The following IL1RAPL1 variants were observed in gnomAD, a reference collection of about 807,000 sequenced individuals.
IL1RAPL1 encodes the protein interleukin-1 receptor accessory protein-like 1.
A neutral mutation model predicts 48.4 loss-of-function variants in IL1RAPL1; 3 were observed. That is an observed-to-expected ratio of 0.06 (90% CI 0.03 to 0.16). The LOEUF is 0.16. Ranked by LOEUF, IL1RAPL1 falls within the 10% of genes least tolerant of loss-of-function variation. IL1RAPL1 has a pLI of 1.00. For missense variants in IL1RAPL1, 349 were observed against 530.6 expected (o/e 0.66, Z 3.36); for synonymous variants, 185 against 187.7 (o/e 0.99, Z 0.12).
At chrX:28,831,024 CTCTGTGTGTGTG>C (rs1921036025) in intron 2 of IL1RAPL1, among the ~76,000 whole-genome samples, 1 of 59,230 alleles carries the variant, frequency 1.7e-5, no homozygotes, top group Admixed American at 2.2e-4. Context: ...CTCTCTCTCT[CTCTGTGTGTGTG>C]TGTGTGTGTG....
At chrX:29,168,336 G>C (rs1182428164) in intron 2 of IL1RAPL1, among the ~76,000 whole-genome samples, 1 of 106,504 alleles carries the variant, frequency 9.4e-6, no homozygotes, top group Non-Finnish European at 1.9e-5. Context: ...CCTTTCCCAA[G>C]AACCCCCTCC....
intron 6 of IL1RAPL1, among the ~76,000 whole-genome samples, chrX:29,692,508 C>A (rs962029282): frequency 2.7e-5 from 3 of 111,933 alleles, no homozygotes; most frequent in Admixed American, 9.5e-5. Flanking sequence ...TTCCTGTCTT[C>A]TTACTGAATA....
intron 2 of IL1RAPL1, among the ~76,000 whole-genome samples, chrX:29,135,984 G>A (rs908714685): frequency 1.8e-5 from 2 of 111,921 alleles, no homozygotes; most frequent in African/African-American, 6.5e-5. Flanking sequence ...TGATCTGCCT[G>A]CCTTGGCCTT....
At chrX:29,494,671 A>G (rs915917534) in intron 5 of IL1RAPL1, among the ~76,000 whole-genome samples, 1 of 112,369 alleles carries the variant, frequency 8.9e-6, no homozygotes, top group African/African-American at 3.2e-5. Flanking sequence ...TCAGGAAAGT[A>G]TGAAAGTATA....
At chrX:28,811,397 AAG>A (rs774018865) in intron 2 of IL1RAPL1, among the ~76,000 whole-genome samples, 4 of 110,763 alleles carry the variant, frequency 3.6e-5, no homozygotes, top group Non-Finnish European at 5.7e-5. Flanking sequence ...GGTAAGGAAA[AAG>A]AGAATGTGTG....
intron 2 of IL1RAPL1, among the ~76,000 whole-genome samples, chrX:29,182,808 A>G (rs1486305549): frequency 9.0e-6 from 1 of 111,723 alleles, no homozygotes; most frequent in Non-Finnish European, 1.9e-5. Context: ...ATGATTAAAT[A>G]AAGATCTTGA....
chrX:29,232,311 T>C (rs191876952), intron 2 of IL1RAPL1, among the ~76,000 whole-genome samples: 54 of 111,968 alleles, frequency 4.8e-4, no homozygotes, highest in African/African-American at 1.6e-3. Flanking sequence ...CACATTATAT[T>C]TTTAGGGACA....
chrX:29,484,418 G>A (rs12556316), intron 5 of IL1RAPL1, among the ~76,000 whole-genome samples: 1 of 110,323 alleles, frequency 9.1e-6, no homozygotes, highest in African/African-American at 3.3e-5. Flanking sequence ...CTCCAAATAC[G>A]ATCAACATAT....
chrX:28,726,007 T>A (rs1437124791), intron 1 of IL1RAPL1, among the ~76,000 whole-genome samples: 1 of 112,623 alleles, frequency 8.9e-6, no homozygotes, highest in East Asian at 2.8e-4. Flanking sequence ...TTCAAAGTTA[T>A]TTATGACAAT....
intron 2 of IL1RAPL1, among the ~76,000 whole-genome samples, chrX:29,004,207 T>C (rs1316184475): frequency 8.9e-6 from 1 of 112,549 alleles, no homozygotes; most frequent in Non-Finnish European, 1.9e-5. Context: ...GATGAATGCA[T>C]ATTATCATAC....
intron 2 of IL1RAPL1, among the ~76,000 whole-genome samples, chrX:28,920,442 G>A (rs1569199995): frequency 8.9e-6 from 1 of 111,742 alleles, no homozygotes; most frequent in Non-Finnish European, 1.9e-5. Context: ...CATTCAGCCT[G>A]AAAAGTACTA....
intron 3 of IL1RAPL1, among the ~76,000 whole-genome samples, chrX:29,377,293 A>G (rs893365612): frequency 8.9e-6 from 1 of 111,975 alleles, no homozygotes; most frequent in South Asian, 3.7e-4. Flanking sequence ...AAGATGATTG[A>G]GTCTTTTATT....
intron 6 of IL1RAPL1, among the ~76,000 whole-genome samples, chrX:29,716,570 C>G (rs141246752): frequency 2.6e-3 from 294 of 112,093 alleles, no homozygotes; most frequent in Middle Eastern, 0.014. Flanking sequence ...CTCTGAGGAG[C>G]AATGCAGCAG....
At chrX:29,935,142 T>C (rs1933010635) in intron 8 of IL1RAPL1, among the ~76,000 whole-genome samples, 2 of 110,227 alleles carry the variant, frequency 1.8e-5, no homozygotes, top group Non-Finnish European at 1.9e-5. Flanking sequence ...ACTTAAATGA[T>C]ATTGTGCCCT....
intron 2 of IL1RAPL1, among the ~76,000 whole-genome samples, chrX:29,216,974 C>T (rs1286231971): frequency 1.8e-5 from 2 of 111,714 alleles, no homozygotes; most frequent in Non-Finnish European, 3.8e-5. Context: ...TAGTAAACAA[C>T]TAACAAGACA....
At chrX:29,489,273 A>G (rs1225605489) in intron 5 of IL1RAPL1, among the ~76,000 whole-genome samples, 1 of 98,645 alleles carries the variant, frequency 1.0e-5, no homozygotes. Flanking sequence ...TACATACTTC[A>G]AAACATTACA....
chrX:29,061,310 A>G lies in IL1RAPL1; in HGVS notation c.83-221628A>G, dbSNP rs6630807. On this transcript the variant is annotated intron_variant, in intron 2 of 10. Transcript: ENST00000378993. ...TAACACCTGTCTGATGAGCATGCTT[A>G]TTTTAAAATGAACAGATGCAGGGTG... Among the ~76,000 whole-genome samples the G allele has an allele frequency of 2.5e-4, 28 of 112,123 alleles. 1 individual carries two copies. The East Asian group carries it at 7.2e-3, about 29-fold the overall frequency.
At chrX:29,324,773 T>A in intron 3 of IL1RAPL1, among the ~76,000 whole-genome samples, 1 of 111,220 alleles carries the variant, frequency 9.0e-6, no homozygotes, top group Non-Finnish European at 1.9e-5. Context: ...AGGGCAGAAT[T>A]TTGTTTCTGA....
intron 2 of IL1RAPL1, among the ~76,000 whole-genome samples, chrX:28,805,029 G>A (rs1246317110): frequency 9.0e-6 from 1 of 110,793 alleles, no homozygotes; most frequent in Non-Finnish European, 1.9e-5. Flanking sequence ...GCTCTAGGAA[G>A]TCAGGAACCA....
Sources: allele counts gnomAD v4.1 joint callset (sites outside exome capture counted in the v4.1 genomes callset), GRCh38; gene constraint gnomAD v4.1.1; transcripts MANE v1.5; gene names NCBI Gene and HGNC (gene_info 2026-07-23, HGNC 2026-07-21).